Variants in RNGTT observed in about 807,000 individuals in gnomAD.
RNGTT encodes the protein RNA guanylyltransferase and 5'-phosphatase, also known as mRNA-capping enzyme.
A neutral mutation model predicts 79.3 loss-of-function variants in RNGTT; 33 were observed. The ratio of observed to expected loss-of-function variants is 0.42; its 90% CI spans 0.32 to 0.56. RNGTT has a LOEUF of 0.56. Ranked by LOEUF, RNGTT falls within the 20% of genes least tolerant of loss-of-function variation. The pLI is 0.17. For missense variants in RNGTT, 497 were observed against 739.1 expected (o/e 0.67, Z 3.80); for synonymous variants, 222 against 235.9 (o/e 0.94, Z 0.54).
chr6:88,821,797 T>G (rs1780504419), intron 11 of RNGTT, among the ~76,000 whole-genome samples: 1 of 151,704 alleles, frequency 6.6e-6, no homozygotes, highest in Non-Finnish European at 1.5e-5. Flanking sequence ...CTGAAACATT[T>G]TAATATTCCT....
chr6:88,814,491 A>G (rs949277397), intron 11 of RNGTT, among the ~76,000 whole-genome samples: 6 of 152,182 alleles, frequency 3.9e-5, no homozygotes, highest in Admixed American at 1.3e-4. Flanking sequence ...GAATATGTCT[A>G]TAATCAAATC....
chr6:88,843,748 G>A (rs1658596600), intron 11 of RNGTT, among the ~76,000 whole-genome samples: 2 of 150,412 alleles, frequency 1.3e-5, no homozygotes, highest in South Asian at 4.2e-4. Context: ...TAGTAGAGAC[G>A]GGTTTCACCA....
chr6:88,860,809 AT>A (rs1018839109), intron 8 of RNGTT, among the ~76,000 whole-genome samples: 33 of 139,372 alleles, frequency 2.4e-4, no homozygotes, highest in East Asian at 4.2e-4. Context: ...CCACATCTCT[AT>A]TTTTTTTTTA....
chr6:88,643,323 G>A (rs1273142139), intron 14 of RNGTT, among the ~76,000 whole-genome samples: 4 of 151,954 alleles, frequency 2.6e-5, no homozygotes, highest in African/African-American at 9.7e-5. Flanking sequence ...CGATTGTATG[G>A]GCACGGAAAG....
intron 13 of RNGTT, among the ~76,000 whole-genome samples, chr6:88,687,292 C>G (rs2610751): frequency 0.27 from 40,337 of 152,078 alleles, 9,341 homozygotes; most frequent in African/African-American, 0.63. Flanking sequence ...ACACATTCTG[C>G]TGGCCAGGCT....
intron 11 of RNGTT, among the ~76,000 whole-genome samples, chr6:88,841,269 T>A (rs1447705072): frequency 6.6e-6 from 1 of 152,074 alleles, no homozygotes; most frequent in Non-Finnish European, 1.5e-5. Flanking sequence ...AAAATTCCCA[T>A]GCCAAGCAGG....
intron 13 of RNGTT, among the ~76,000 whole-genome samples, chr6:88,687,595 T>C (rs942304526): frequency 2.0e-5 from 3 of 152,060 alleles, no homozygotes; most frequent in Admixed American, 2.0e-4. Context: ...TATGCAGCGG[T>C]AAAAAATGAG....
intron 4 of RNGTT, among the ~76,000 whole-genome samples, chr6:88,928,456 T>C (rs969110454): frequency 6.6e-6 from 1 of 152,194 alleles, no homozygotes; most frequent in African/African-American, 2.4e-5. Flanking sequence ...AAGAGCAGGA[T>C]GTTTTTTTCT....
At chr6:88,819,822 AAT>A (rs1156812654) in intron 11 of RNGTT, among the ~76,000 whole-genome samples, 1 of 152,050 alleles carries the variant, frequency 6.6e-6, no homozygotes, top group Non-Finnish European at 1.5e-5. Flanking sequence ...ACTCTCTTAC[AAT>A]ATATGTCTCC....
chr6:88,741,157 G>A lies in RNGTT; in HGVS notation c.1439+28617C>T, dbSNP rs185773364. Among the ~76,000 whole-genome samples the A allele has an allele frequency of 1.6e-4, 25 of 152,164 alleles. No individual in the cohort carries two copies. In the East Asian group the frequency reaches 2.9e-3, roughly 18 times the overall value. On this transcript the variant is annotated intron_variant, in intron 13 of 15. Coordinates refer to ENST00000369485, the MANE Select transcript of RNGTT (RefSeq NM_003800.5). ...AGACACATGCACTCACTTGTTCATC[G>A]TGGCACTATTCACAATAACAATGAC...
Position 88,758,165 on chromosome 6 carries a change from G to A in RNGTT, c.1439+11609C>T, listed in dbSNP as rs184896154. Among the ~76,000 whole-genome samples the A allele has an allele frequency of 1.8e-3, 277 of 152,224 alleles. 3 individuals carry two copies. The highest frequency in any genetic ancestry group is 6.5e-3 in the African/African-American group (271 of 41,538). The stretch of plus-strand genomic sequence containing the variant: ...AAAGGTCAATGCTCCCTCCTCGTAA[G>A]AGAGAGAAAAACAAAAAGCCCTTAA... On this transcript the variant is annotated intron_variant, in intron 13 of 15. Transcript: ENST00000369485.
intron 8 of RNGTT, among the ~76,000 whole-genome samples, chr6:88,871,069 G>A (rs796094574): frequency 4.6e-5 from 7 of 152,002 alleles, no homozygotes; most frequent in African/African-American, 1.7e-4. Flanking sequence ...AAATATACTG[G>A]AGGATTTTGC....
At chr6:88,734,390 A>T (rs1022477686) in intron 13 of RNGTT, among the ~76,000 whole-genome samples, 2 of 152,156 alleles carry the variant, frequency 1.3e-5, no homozygotes, top group Admixed American at 6.5e-5. Context: ...AGATGTCAGA[A>T]AAAGAGAAGA....
intron 9 of RNGTT, among the ~76,000 whole-genome samples, chr6:88,850,243 A>C (rs1020125498): frequency 5.9e-5 from 9 of 151,974 alleles, no homozygotes; most frequent in African/African-American, 2.2e-4. Flanking sequence ...AAAATCTATG[A>C]CAATAAATGG....
At chr6:88,867,801 A>G (rs1382483452) in intron 8 of RNGTT, among the ~76,000 whole-genome samples, 1 of 152,206 alleles carries the variant, frequency 6.6e-6, no homozygotes, top group Non-Finnish European at 1.5e-5. Context: ...ACTATTGGCT[A>G]GACTCATTGA....
intron 9 of RNGTT, among the ~76,000 whole-genome samples, chr6:88,850,244 C>T (rs1163589951): frequency 1.3e-5 from 2 of 151,836 alleles, no homozygotes; most frequent in African/African-American, 4.8e-5. Flanking sequence ...AAATCTATGA[C>T]AATAAATGGC....
chr6:88,957,344 A>G (rs941898323), intron 1 of RNGTT, among the ~76,000 whole-genome samples: 1 of 152,222 alleles, frequency 6.6e-6, no homozygotes, highest in African/African-American at 2.4e-5. Context: ...CTTCTATTTA[A>G]CATAGTACTG....
intron 14 of RNGTT, among the ~76,000 whole-genome samples, chr6:88,669,131 G>A (rs146282267): frequency 6.6e-6 from 1 of 152,136 alleles, no homozygotes; most frequent in African/African-American, 2.4e-5. Flanking sequence ...GATGGAACTG[G>A]GCTTGACCCC....
intron 13 of RNGTT, among the ~76,000 whole-genome samples, chr6:88,761,019 A>ACACG (rs1491470622): frequency 1.1e-3 from 5 of 4,686 alleles, no homozygotes; most frequent in African/African-American, 2.2e-3. Flanking sequence ...CAAAAGAAAT[A>ACACG]CACACACACA....
Sources: gnomAD v4.1 joint callset for allele counts (sites outside exome capture counted in the v4.1 genomes callset) on GRCh38, gnomAD v4.1.1 for gene constraint, MANE v1.5 for transcripts, NCBI Gene and HGNC (gene_info 2026-07-23, HGNC 2026-07-21) for gene names.